CHST12: variants seen among roughly 807,000 people sequenced by gnomAD.
The protein encoded by CHST12 is carbohydrate (chondroitin 4) sulfotransferase 12.
A neutral mutation model predicts 27.9 loss-of-function variants in CHST12; 23 were observed. The observed-to-expected ratio is 0.82, with a 90% CI of 0.59 to 1.17. The LOEUF (loss-of-function observed/expected upper bound fraction) is 1.17, where lower values mean the gene tolerates loss of function less well. CHST12 is among the 50% of genes most tolerant of loss of function. CHST12 has a pLI of 0.00. For synonymous variants in CHST12, 322 were observed against 273.0 expected (o/e 1.18, Z -1.77); for missense variants, 682 against 603.0 (o/e 1.13, Z -1.37).
intron 1 of CHST12, among the ~76,000 whole-genome samples, chr7:2,430,177 T>C (rs1782237853): frequency 6.6e-6 from 1 of 152,192 alleles, no homozygotes; most frequent in Non-Finnish European, 1.5e-5. Flanking sequence ...CTTTTTCCTT[T>C]GCTATTATTT....
chr7:2,432,457 C>T, intron 1 of CHST12, 106 bp from the exon 2 acceptor site: 1 of 682,622 alleles, frequency 1.5e-6, no homozygotes, highest in Non-Finnish European at 2.4e-6. Context: ...TATCACGTGG[C>T]CCAGCGCTCC....
chr7:2,419,267 G>C (rs1781897845), intron 1 of CHST12, among the ~76,000 whole-genome samples: 1 of 152,088 alleles, frequency 6.6e-6, no homozygotes, highest in African/African-American at 2.4e-5. Flanking sequence ...AAATTAGCCA[G>C]GCGTGGTGGT....
intron 1 of CHST12, among the ~76,000 whole-genome samples, chr7:2,413,169 C>G (rs1284045596): frequency 6.6e-6 from 1 of 152,190 alleles, no homozygotes; most frequent in Non-Finnish European, 1.5e-5. Flanking sequence ...AATGACTTGG[C>G]CCAGGCCACT....
intron 1 of CHST12, among the ~76,000 whole-genome samples, chr7:2,430,315 C>G (rs942671209): frequency 2.0e-5 from 3 of 151,012 alleles, no homozygotes; most frequent in Non-Finnish European, 4.4e-5. Context: ...TTTATTTATT[C>G]ATTTTTATTT....
intron 1 of CHST12, among the ~76,000 whole-genome samples, chr7:2,420,945 A>T (rs1351667864): frequency 6.6e-6 from 1 of 152,128 alleles, no homozygotes; most frequent in Non-Finnish European, 1.5e-5. Flanking sequence ...GCTCACTGCA[A>T]CCTCTGCCTC....
At chr7:2,415,000 T>C (rs10280923) in intron 1 of CHST12, among the ~76,000 whole-genome samples, 35,410 of 152,162 alleles carry the variant, frequency 0.23, 4,752 homozygotes, top group African/African-American at 0.38. Flanking sequence ...GGTTCAGTTC[T>C]GGACCACCAC....
rs139720400 is a variant in CHST12, at chr7:2,421,497, C to T, written c.-77-11066C>T. 7.0e-4 allele frequency among the ~76,000 whole-genome samples: 105 copies of T among 149,076 alleles called. 1 individual carries two copies. Among genetic ancestry groups the T allele is most frequent in the African/African-American group, 2.3e-3 (91 of 40,436 alleles). On this transcript the variant is annotated intron_variant, in intron 1 of 1. Transcript: ENST00000618655. ...TGTTGCCCAGGCTAGAGTGCGGTGA[C>T]GCGATCTTGGCTCACTGCAACTTCC...
rs1322178783 is a variant in CHST12, at chr7:2,432,997, C to A, written c.358C>A (p.Gln120Lys). The A allele has an allele frequency of 6.2e-7, 1 of 1,610,198 alleles. No individual in the cohort carries two copies. The highest frequency in any genetic ancestry group is 1.3e-5 in the African/African-American group (1 of 75,002). The change falls in exon 2 of 2, where the codon CAG (glutamine) becomes AAG (lysine). Residue 120 changes from glutamine to lysine, a missense_variant. Coordinates refer to ENST00000618655, the MANE Select transcript of CHST12 (RefSeq NM_018641.5). ...CCGGCGCAGCCCAGACCAGGGCCGGCAGCAGGCGGAGCGGAGGAGCGTGCT... is the reference window on the plus strand; with the variant it reads ...CCGGCGCAGCCCAGACCAGGGCCGGAAGCAGGCGGAGCGGAGGAGCGTGCT... ...DARRSPDQGR[Q>K]QAERRSVLRG...
At chr7:2,423,414 C>T (rs146403457) in intron 1 of CHST12, among the ~76,000 whole-genome samples, 123 of 152,214 alleles carry the variant, frequency 8.1e-4, no homozygotes, top group African/African-American at 2.7e-3. Flanking sequence ...GTGAGGAATG[C>T]GGTGGGGGCC....
rs1258138428 is a variant in CHST12, at chr7:2,434,432, C to G, written c.*548C>G. 1 of 167,924 alleles carries G rather than the reference C, an allele frequency of 6.0e-6. No individual in the cohort carries two copies. Among genetic ancestry groups the G allele is most frequent in the Non-Finnish European group, 1.5e-5 (1 of 68,926 alleles). The allele number at this position is 167,924 out of a possible 1,614,324, so 10.4% of individuals were successfully genotyped here. On this transcript the variant is annotated 3_prime_UTR_variant, in exon 2 of 2. Transcript: ENST00000618655. Reference sequence around the variant, plus strand: ...TCTAGGATTTCTAACTCCAGCTGTTCCCATACTGTCTAGTTTAAATTATGG... The same window carrying G: ...TCTAGGATTTCTAACTCCAGCTGTTGCCATACTGTCTAGTTTAAATTATGG...
chr7:2,439,344 A>G lies in CHST12; in HGVS notation c.*5460A>G, dbSNP rs772559815. The G allele has an allele frequency of 5.3e-5, 8 of 151,992 alleles. No homozygotes were observed. The highest frequency in any genetic ancestry group is 1.0e-4 in the Non-Finnish European group (7 of 67,992). The allele number at this position is 151,992 out of a possible 1,614,324, so 9.4% of individuals were successfully genotyped here. A position where few individuals can be genotyped will look rare whatever the true frequency, so the allele number is the denominator to read the frequency against. On this transcript the variant is annotated 3_prime_UTR_variant, in exon 2 of 2. Coordinates refer to ENST00000618655, the MANE Select transcript of CHST12 (RefSeq NM_018641.5). The stretch of plus-strand genomic sequence containing the variant: ...ACCCAGGGATAGGTGAGGCTCTCCT[A>G]TTGGGATACCATTTCACCAGCAGAG...
At chr7:2,417,761 C>T (rs916233623) in intron 1 of CHST12, among the ~76,000 whole-genome samples, 7 of 152,088 alleles carry the variant, frequency 4.6e-5, no homozygotes, top group African/African-American at 1.2e-4. Context: ...GGAGGGCATC[C>T]GATATCTCAG....
In CHST12 at chr7:2,434,112, ACCCGCCCG is replaced by A. The variant is rs890346387; in HGVS notation, c.*234_*241del. The A allele has an allele frequency of 3.7e-5, 13 of 346,770 alleles. No homozygotes were observed. The highest frequency in any genetic ancestry group is 2.0e-4 in the Admixed American group (4 of 20,168). The allele number at this position is 346,770 out of a possible 1,614,324, so 21.5% of individuals were successfully genotyped here. On this transcript the variant is annotated 3_prime_UTR_variant, in exon 2 of 2. Coordinates refer to ENST00000618655, the MANE Select transcript of CHST12 (RefSeq NM_018641.5). ...TATCCCCTCTCCCCTCCGCCCGCCCACCCGCCCGCCCGCTCGCCCGCTCGCCCGCTCCT... is the reference window on the plus strand; with the variant it reads ...TATCCCCTCTCCCCTCCGCCCGCCCACCCGCTCGCCCGCTCGCCCGCTCCT...
chr7:2,426,352 G>T lies in CHST12; in HGVS notation c.-77-6211G>T, dbSNP rs547760105. Among the ~76,000 whole-genome samples the T allele has an allele frequency of 2.6e-4, 40 of 152,318 alleles. 1 individual carries two copies. The South Asian group carries it at 8.3e-3, about 32-fold the overall frequency. ...GCACCCTACCATGTGCATGCACGTG[G>T]TGAGCACAACCAGACGGAGCCCACC... On this transcript the variant is annotated intron_variant, in intron 1 of 1. Transcript: ENST00000618655.
rs1165897593 is a variant in CHST12 at position 2,439,509 on chromosome 7, TC to T, written c.*5626del. 4 of 151,824 alleles carry T rather than the reference TC, an allele frequency of 2.6e-5. No homozygotes were observed. The East Asian group carries it at 7.9e-4, about 30-fold the overall frequency. 9.4% of individuals were successfully genotyped at this position (151,824 alleles called of 1,614,324 possible). On this transcript the variant is annotated 3_prime_UTR_variant, in exon 2 of 2. Coordinates refer to ENST00000618655, the MANE Select transcript of CHST12 (RefSeq NM_018641.5). ...TCACTGCAGCCTCGACCTCCTGGGC[TC>T]AAGTGGTCCTCCCACCTCAGCCTCC...
In CHST12 at chr7:2,447,752, C is replaced by T. The variant is rs1341193383; in HGVS notation, c.*13868C>T. 1.3e-5 allele frequency: 2 copies of T among 151,914 alleles called. No homozygotes were observed. Among genetic ancestry groups the T allele is most frequent in the African/African-American group, 2.4e-5 (1 of 41,356 alleles). The allele number at this position is 151,914 out of a possible 1,614,324, so 9.4% of individuals were successfully genotyped here. On this transcript the variant is annotated 3_prime_UTR_variant, in exon 2 of 2. Coordinates refer to ENST00000618655, the MANE Select transcript of CHST12 (RefSeq NM_018641.5). ...CCTCCCAAAGTGCTGGGATTACAAG[C>T]ATGAGCCACTGCGCCCGGCCACAAA...
At chr7:2,431,629 C>T (rs1782270559) in intron 1 of CHST12, among the ~76,000 whole-genome samples, 1 of 152,226 alleles carries the variant, frequency 6.6e-6, no homozygotes, top group Non-Finnish European at 1.5e-5. Context: ...ACCTCTACTT[C>T]CATGGGCAGA....
chr7:2,413,105 G>C (rs904805956), intron 1 of CHST12, among the ~76,000 whole-genome samples: 6 of 152,208 alleles, frequency 3.9e-5, no homozygotes, highest in African/African-American at 1.4e-4. Context: ...GCTCTGGTTA[G>C]CAGAAAGGCC....
intron 1 of CHST12, among the ~76,000 whole-genome samples, chr7:2,404,869 G>A (rs920407281): frequency 2.6e-5 from 4 of 152,212 alleles, no homozygotes; most frequent in Non-Finnish European, 5.9e-5. Context: ...ACCTCCAATC[G>A]AGTGCAAGAT....
Sources: allele counts gnomAD v4.1 joint callset (sites outside exome capture counted in the v4.1 genomes callset), GRCh38; gene constraint gnomAD v4.1.1; transcripts MANE v1.5; gene names NCBI Gene and HGNC (gene_info 2026-07-23, HGNC 2026-07-21).